The following UBR4 variants were observed in gnomAD, a reference collection of about 807,000 sequenced individuals.
UBR4 encodes the protein ubiquitin protein ligase E3 component n-recognin 4.
A neutral mutation model predicts 575.6 loss-of-function variants in UBR4; 124 were observed. That is an observed-to-expected ratio of 0.22 (90% confidence interval 0.19 to 0.25). UBR4 has a LOEUF of 0.25. UBR4 is among the 10% of genes least tolerant of loss of function. UBR4 has a pLI of 1.00. For synonymous variants in UBR4, 2,455 were observed against 2,473.7 expected, an observed-to-expected ratio of 0.99 and a Z score of 0.22; for missense variants, 4,818 against 6,478.8, an observed-to-expected ratio of 0.74 and a Z score of 8.80.
intron 13 of UBR4, 39 bp downstream of exon 13, chr1:19,187,125 A>G: frequency 6.6e-7 from 1 of 1,523,036 alleles, no homozygotes; most frequent in Non-Finnish European, 8.9e-7. Flanking sequence ...ATAAAATGAG[A>G]CATTCTTCTA....
At chr1:19,177,170 T>C (rs1181067729) in intron 19 of UBR4, among the ~76,000 whole-genome samples, 1 of 152,220 alleles carries the variant, frequency 6.6e-6, no homozygotes, top group African/African-American at 2.4e-5. Flanking sequence ...GGGCCGATGC[T>C]CAGGGCACTG....
Position 19,076,809 on chromosome 1 carries a change from T to C in UBR4, c.15418A>G (p.Lys5140Glu), listed in dbSNP as rs1233339650. 2 of 1,613,790 alleles carry C rather than the reference T, an allele frequency of 1.2e-6. No homozygotes were observed. The highest frequency in any genetic ancestry group is 1.7e-6 in the Non-Finnish European group (2 of 1,179,886). ...TCCTCCTGGAAGGTTTTCAGGGCTTTGTCGGCAGCTTCGTAGATGGGCATG... is the reference window on the plus strand; with the variant it reads ...TCCTCCTGGAAGGTTTTCAGGGCTTCGTCGGCAGCTTCGTAGATGGGCATG... ...NDMPIYEAADKALKTFQEEFM... is the reference protein window; with the variant it reads ...NDMPIYEAADEALKTFQEEFM... Residue 5140 changes from lysine (K) to glutamate (E), a missense_variant, in exon 105 of 106, where the codon AAA becomes GAA. This residue lies in a region of UBR4 where 212 missense variants were observed against 221.3 expected (regional missense o/e 0.96). Transcript: ENST00000375254.
intron 55 of UBR4, among the ~76,000 whole-genome samples, chr1:19,142,488 A>G (rs1316823617): frequency 6.6e-6 from 1 of 152,212 alleles, no homozygotes; most frequent in Non-Finnish European, 1.5e-5. Context: ...CTTGCTAGGG[A>G]AAAGAGCCAC....
At chr1:19,199,885 G>A in intron 2 of UBR4, 131 bp from the exon 3 acceptor site, 3 of 773,106 alleles carry the variant, frequency 3.9e-6, no homozygotes, top group Non-Finnish European at 4.2e-6. Flanking sequence ...AAAAACCCAA[G>A]GGGTAAACAA....
chr1:19,089,086 C>T lies in UBR4; in HGVS notation c.14212-109G>A. On this transcript the variant is annotated intron_variant, in intron 97 of 105. Transcript: ENST00000375254. The surrounding 1 kb of genome is among the most constrained non-coding windows in gnomAD (Gnocchi z 4.3). ...AACCAGCATGCACCATCTCATGTCA[C>T]CTGCTCAGCTGCAATCAGGTCCTTT... 2.8e-6 allele frequency: 3 copies of T among 1,076,550 alleles called. No homozygotes were observed. Among genetic ancestry groups the T allele is most frequent in the Non-Finnish European group, 4.1e-6 (3 of 739,684 alleles). The allele number at this position is 1,076,550 out of a possible 1,614,324, so 66.7% of individuals were successfully genotyped here.
chr1:19,124,739 G>T, intron 64 of UBR4, 49 bp from the exon 65 acceptor site: 1 of 1,592,402 alleles, frequency 6.3e-7, no homozygotes, highest in South Asian at 1.1e-5. Flanking sequence ...GATTTTCCAT[G>T]ACCACAATTA....
Position 19,104,484 on chromosome 1 carries a change from A to C in UBR4, c.12727+101T>G, listed in dbSNP as rs558478466. 15 of 1,330,708 alleles carry C rather than the reference A, an allele frequency of 1.1e-5. No individual in the cohort carries two copies. The South Asian group carries it at 1.1e-4, about 10-fold the overall frequency. The allele number at this position is 1,330,708 out of a possible 1,614,324, so 82.4% of individuals were successfully genotyped here. On this transcript the variant is annotated intron_variant, in intron 86 of 105. Transcript: ENST00000375254. ...CAGAGCTTAAATCTGCACTAAGGTC[A>C]GTACCAGAGAGAAGAGAGTCAACCC... is the stretch of plus-strand genomic sequence containing the variant.
intron 83 of UBR4, 30 bp downstream of exon 83, chr1:19,106,539 G>A (rs371721119): frequency 6.6e-7 from 1 of 1,522,878 alleles, no homozygotes; most frequent in South Asian, 1.3e-5. Flanking sequence ...AGGGGCGCAG[G>A]GGGTGAAGAG....
chr1:19,122,492 T>C lies in UBR4; in HGVS notation c.9816+341A>G, dbSNP rs1009313660. Among the ~76,000 whole-genome samples the C allele has an allele frequency of 2.6e-5, 4 of 152,344 alleles. No individual in the cohort carries two copies. The South Asian group carries it at 6.2e-4, about 24-fold the overall frequency. ...TTTCTACTCGAACCTTCATCATTTC[T>C]TTAGTATTCAAGGGTAAAAACCAGA... On this transcript the variant is annotated intron_variant, in intron 66 of 105. Coordinates refer to ENST00000375254, the MANE Select transcript of UBR4 (RefSeq NM_020765.3).
chr1:19,138,777 A>G (rs1036661626), intron 59 of UBR4, among the ~76,000 whole-genome samples: 2 of 152,172 alleles, frequency 1.3e-5, no homozygotes, highest in African/African-American at 2.4e-5. Flanking sequence ...AATTATGCAT[A>G]TTATCGCAGT....
intron 8 of UBR4, 116 bp downstream of exon 8, chr1:19,197,025 C>A: frequency 1.5e-6 from 2 of 1,290,802 alleles, no homozygotes; most frequent in Non-Finnish European, 2.1e-6. Context: ...GTTAGATGAT[C>A]CTTGAGAGAA....
chr1:19,173,398 A>G (rs755425776), intron 23 of UBR4, 41 bp downstream of exon 23: 2 of 1,612,776 alleles, frequency 1.2e-6, no homozygotes, highest in Non-Finnish European at 1.7e-6. Flanking sequence ...AGCACAAAGC[A>G]CTTTGGCTTT....
rs2083556525 is a variant in UBR4 at position 19,139,277 on chromosome 1, CA to C, written c.8594-58del. 2 of 1,520,062 alleles carry C rather than the reference CA, an allele frequency of 1.3e-6. No homozygotes were observed. Among genetic ancestry groups the C allele is most frequent in the East Asian group, 2.3e-5 (1 of 42,580 alleles). 94.2% of individuals were successfully genotyped at this position (1,520,062 alleles called of 1,614,324 possible). The stretch of plus-strand genomic sequence containing the variant: ...AAAAACAAACAAACAAACAAACAAA[CA>C]AAAAACAAAAAAAACCCCTCCTTGG... On this transcript the variant is annotated intron_variant, in intron 58 of 105. Coordinates refer to ENST00000375254, the MANE Select transcript of UBR4 (RefSeq NM_020765.3). The surrounding 1 kb of genome is among the most constrained non-coding windows in gnomAD (Gnocchi z 4.2).
chr1:19,185,446 C>T (rs1229252259), intron 14 of UBR4, among the ~76,000 whole-genome samples, 160 bp from the exon 15 acceptor site: 2 of 152,110 alleles, frequency 1.3e-5, no homozygotes, highest in East Asian at 3.9e-4. Context: ...CATCTAAATG[C>T]ATACATAAAA....
Position 19,153,971 on chromosome 1 carries a change from T to C in UBR4, c.6459-32A>G. 6.2e-7 allele frequency: 1 copy of C among 1,605,230 alleles called. No individual in the cohort carries two copies. Among genetic ancestry groups the C allele is most frequent in the East Asian group, 2.2e-5 (1 of 44,740 alleles). On this transcript the variant is annotated intron_variant, in intron 44 of 105. Coordinates refer to ENST00000375254, the MANE Select transcript of UBR4 (RefSeq NM_020765.3). The surrounding 1 kb of genome is among the most constrained non-coding windows in gnomAD (Gnocchi z 4.1). ...ACAACAAAACTGGCCACAGTTAGAG[T>C]GTCAGTCACCATTTAATAGTTCTTT...
At chr1:19,107,651 A>C (rs1403254416) in intron 81 of UBR4, among the ~76,000 whole-genome samples, 3 of 152,016 alleles carry the variant, frequency 2.0e-5, no homozygotes, top group Non-Finnish European at 4.4e-5. Flanking sequence ...TGGGCACGGT[A>C]GTATATGCCT....
chr1:19,210,063 C>A lies in UBR4; in HGVS notation c.176+10G>T. ...CAACAGCGTCGCCCGCCAGAGCCGCCGCCCGGTACCTCTCGATGACTGAGG... is the reference window on the plus strand; with the variant it reads ...CAACAGCGTCGCCCGCCAGAGCCGCAGCCCGGTACCTCTCGATGACTGAGG... On this transcript the variant is annotated intron_variant, in intron 1 of 105. Transcript: ENST00000375254. 6.5e-7 allele frequency: 1 copy of A among 1,540,526 alleles called. No homozygotes were observed. Among genetic ancestry groups the A allele is most frequent in the East Asian group, 2.6e-5 (1 of 38,232 alleles).
chr1:19,116,330 C>T (rs2080521757), intron 73 of UBR4, among the ~76,000 whole-genome samples: 1 of 152,194 alleles, frequency 6.6e-6, no homozygotes, highest in Non-Finnish European at 1.5e-5. Context: ...ACCAGTAGCT[C>T]TGCTGACTCC....
chr1:19,079,930 T>C (rs1051877068), intron 103 of UBR4: 34 of 152,226 alleles, frequency 2.2e-4, no homozygotes, highest in African/African-American at 7.7e-4. Context: ...CTCATGAATG[T>C]AGTAGCTCAC....
Sources: allele counts gnomAD v4.1 joint callset (sites outside exome capture counted in the v4.1 genomes callset), GRCh38; gene constraint gnomAD v4.1.1; regional missense constraint gnomAD v4.1.1; non-coding constraint Gnocchi (gnomAD v3.1); transcripts MANE v1.5; gene names NCBI Gene and HGNC (gene_info 2026-07-23, HGNC 2026-07-21).